ZNF727: variants seen among roughly 807,000 people sequenced by gnomAD.
ZNF727 encodes zinc finger protein 727.
ZNF727 carries 11 observed loss-of-function variants against 11.5 expected under a neutral mutation model. That is an observed-to-expected ratio of 0.95 (90% CI 0.60 to 1.58). The LOEUF (loss-of-function observed/expected upper bound fraction) is 1.58, where lower values mean the gene tolerates loss of function less well. Among genes scored for constraint, ZNF727 ranks in the 40% most tolerant of loss-of-function variants. The probability of loss-of-function intolerance (pLI) is 0.00; values close to 1 mark genes in which losing one functional copy is unlikely to be tolerated. For synonymous variants in ZNF727, 171 were observed against 196.1 expected, an observed-to-expected ratio of 0.87 and a Z score of 1.07; for missense variants, 533 against 581.7, an observed-to-expected ratio of 0.92 and a Z score of 0.86.
intron 3 of ZNF727, among the ~76,000 whole-genome samples, chr7:64,072,759 G>A (rs1789982030): frequency 5.3e-5 from 8 of 152,140 alleles, no homozygotes; most frequent in Admixed American, 4.6e-4. Context: ...CTAAGACCAA[G>A]CATTTTCAAG....
chr7:64,070,725 TA>T (rs1320185459), intron 3 of ZNF727, among the ~76,000 whole-genome samples: 2 of 152,048 alleles, frequency 1.3e-5, no homozygotes, highest in Non-Finnish European at 2.9e-5. Flanking sequence ...TAGGTTACCA[TA>T]ACTTATGTCT....
At chr7:64,045,747 A>G (rs748173291) in intron 1 of ZNF727, 123 bp downstream of exon 1, 2 of 1,285,064 alleles carry the variant, frequency 1.6e-6, no homozygotes, top group African/African-American at 2.9e-5. Flanking sequence ...CCCCGTGGGC[A>G]CAGTTCAGTC....
intron 1 of ZNF727, among the ~76,000 whole-genome samples, chr7:64,052,624 T>C (rs10807673): frequency 0.64 from 97,197 of 152,072 alleles, 31,809 homozygotes; most frequent in Non-Finnish European, 0.71. Flanking sequence ...AGAGGGCTAG[T>C]GCCCTCCAGA....
chr7:64,046,611 GC>G (rs543719708), intron 1 of ZNF727, among the ~76,000 whole-genome samples: 3 of 152,194 alleles, frequency 2.0e-5, no homozygotes, highest in East Asian at 3.9e-4. Context: ...CCTGGGTGGG[GC>G]CCCCCCAGAA....
chr7:64,069,007 G>A lies in ZNF727; in HGVS notation c.120G>A (p.Leu40=). The change falls in exon 2 of 4, where the codon CTG becomes CTA. Residue 40 remains leucine (L), a synonymous_variant. Transcript: ENST00000456806. The part of the protein sequence containing the change: ...RDVMLENYGN[L]FSLGLAIFKP... ...TGATGTTAGAGAACTACGGAAACCT[G>A]TTCTCCTTGGGTGAGAATAACTTCA... The A allele has an allele frequency of 6.2e-7, 1 of 1,601,072 alleles. No individual in the cohort carries two copies.
In ZNF727 at chr7:64,083,597, C is replaced by G. The variant is rs983504812; in HGVS notation, c.*5048C>G. On this transcript the variant is annotated 3_prime_UTR_variant, in exon 4 of 4. Coordinates refer to ENST00000456806, the MANE Select transcript of ZNF727 (RefSeq NM_001159522.3). Reference sequence around the variant, plus strand: ...TGCTCTGCTGAGACTCCACATAGCTCTGTGTGTTAAATTGAAGGCCTTGGT... The same window carrying G: ...TGCTCTGCTGAGACTCCACATAGCTGTGTGTGTTAAATTGAAGGCCTTGGT... Among the ~76,000 whole-genome samples the G allele has an allele frequency of 6.6e-6, 1 of 152,172 alleles. No homozygotes were observed. Among genetic ancestry groups the G allele is most frequent in the African/African-American group, 2.4e-5 (1 of 41,428 alleles).
intron 1 of ZNF727, 116 bp from the exon 2 acceptor site, chr7:64,068,775 T>C: frequency 8.3e-7 from 1 of 1,207,474 alleles, no homozygotes; most frequent in Non-Finnish European, 1.2e-6. Flanking sequence ...AGTATCCTAT[T>C]GGATAACTCC....
chr7:64,076,853 T>C (rs1384511325), intron 3 of ZNF727, among the ~76,000 whole-genome samples: 2 of 152,168 alleles, frequency 1.3e-5, no homozygotes, highest in East Asian at 3.9e-4. Context: ...TTTTCAACAC[T>C]GTCATGGAAT....
At chr7:64,069,819 G>GT (rs1452757953) in intron 3 of ZNF727, among the ~76,000 whole-genome samples, 4 of 152,018 alleles carry the variant, frequency 2.6e-5, no homozygotes, top group African/African-American at 9.7e-5. Context: ...TCAGTAATGT[G>GT]TGTTGTTGTT....
At chr7:64,058,381 T>G (rs13228852) in intron 1 of ZNF727, among the ~76,000 whole-genome samples, 80,170 of 151,990 alleles carry the variant, frequency 0.53, 22,549 homozygotes, top group Non-Finnish European at 0.64. Flanking sequence ...ATATAATAAT[T>G]TGCTCACAAC....
Position 64,085,022 on chromosome 7 carries a change from C to CT in ZNF727, c.*6480dup, listed in dbSNP as rs34259526. 0.62 allele frequency among the ~76,000 whole-genome samples: 94,443 copies of CT among 151,758 alleles called. 30,058 individuals carry two copies. The highest frequency in any genetic ancestry group is 0.68 in the Non-Finnish European group (46,387 of 67,860). On this transcript the variant is annotated 3_prime_UTR_variant, in exon 4 of 4. Transcript: ENST00000456806. ...GACTTAGAATCATCTTTTGCAAATTCTTTTTTTGTTTGTTTGTCTGTTTTC... is the reference window on the plus strand; with the variant it reads ...GACTTAGAATCATCTTTTGCAAATTCTTTTTTTTGTTTGTTTGTCTGTTTTC...
At chr7:64,068,113 C>A (rs2116311070) in intron 1 of ZNF727, among the ~76,000 whole-genome samples, 1 of 152,136 alleles carries the variant, frequency 6.6e-6, no homozygotes, top group East Asian at 1.9e-4. Flanking sequence ...ATACAAATTT[C>A]TTTTAATATA....
In ZNF727 at chr7:64,045,444, A is replaced by G. The variant is rs1217392397; in HGVS notation, c.-178A>G. ...TAGAGAGGAAGAGGCGGGCTCTTCAATATGGCAAGGCCTTCGTCTCCTAGC... is the reference window on the plus strand; with the variant it reads ...TAGAGAGGAAGAGGCGGGCTCTTCAGTATGGCAAGGCCTTCGTCTCCTAGC... On this transcript the variant is annotated 5_prime_UTR_variant, in exon 1 of 4. Transcript: ENST00000456806. The G allele has an allele frequency of 2.3e-6, 2 of 874,424 alleles. No homozygotes were observed. Among genetic ancestry groups the G allele is most frequent in the East Asian group, 2.6e-5 (1 of 37,758 alleles). The allele number at this position is 874,424 out of a possible 1,614,324, so 54.2% of individuals were successfully genotyped here.
rs570539957 is a variant in ZNF727 at position 64,084,724 on chromosome 7, TACAG to T, written c.*6178_*6181del. Among the ~76,000 whole-genome samples, 48 of 152,182 alleles carry T rather than the reference TACAG, an allele frequency of 3.2e-4. No individual in the cohort carries two copies. The highest frequency in any genetic ancestry group is 6.6e-4 in the Non-Finnish European group (45 of 68,000). ...TGACTTCTCTCGTCTGCTAAACACG[TACAG>T]ACCTTTAGTTTTGATTTACATCAAT... is the stretch of plus-strand genomic sequence containing the variant. On this transcript the variant is annotated 3_prime_UTR_variant, in exon 4 of 4. Transcript: ENST00000456806.
chr7:64,049,426 AAC>A (rs1789557579), intron 1 of ZNF727, among the ~76,000 whole-genome samples: 1 of 152,044 alleles, frequency 6.6e-6, no homozygotes, highest in African/African-American at 2.4e-5. Flanking sequence ...TTCACCAAGA[AAC>A]ACATCTTATT....
At position 64,079,946 on chromosome 7, in the gene ZNF727, T is replaced by C. The variant is rs1785756813; in HGVS notation, c.*1397T>C. 6.6e-6 allele frequency among the ~76,000 whole-genome samples: 1 copy of C among 152,214 alleles called. No individual in the cohort carries two copies. Among genetic ancestry groups the C allele is most frequent in the African/African-American group, 2.4e-5 (1 of 41,458 alleles). ...CTTTGGCCGGATGTGAACTTCTGGA[T>C]TAGAATTCTTTTTTAAAGAAAGTTG... On this transcript the variant is annotated 3_prime_UTR_variant, in exon 4 of 4. Coordinates refer to ENST00000456806, the MANE Select transcript of ZNF727 (RefSeq NM_001159522.3).
chr7:64,071,095 A>G (rs1789955195), intron 3 of ZNF727, among the ~76,000 whole-genome samples: 1 of 152,026 alleles, frequency 6.6e-6, no homozygotes, highest in African/African-American at 2.4e-5. Flanking sequence ...AGGTGCAGGT[A>G]TTTCTTTGAG....
chr7:64,062,302 A>G (rs559669864), intron 1 of ZNF727, among the ~76,000 whole-genome samples: 286 of 151,916 alleles, frequency 1.9e-3, no homozygotes, highest in Non-Finnish European at 3.7e-3. Context: ...ATGTTTTCTT[A>G]TTGCTCATTA....
intron 1 of ZNF727, among the ~76,000 whole-genome samples, chr7:64,048,663 T>G (rs1227295211): frequency 6.6e-6 from 1 of 152,218 alleles, no homozygotes; most frequent in Non-Finnish European, 1.5e-5. Context: ...AATATGATTG[T>G]CTAGTATAAT....
Sources: gnomAD v4.1 joint callset for allele counts (sites outside exome capture counted in the v4.1 genomes callset) on GRCh38, gnomAD v4.1.1 for gene constraint, MANE v1.5 for transcripts, NCBI Gene and HGNC (gene_info 2026-07-23, HGNC 2026-07-21) for gene names.